Variants in KIF26B observed in about 807,000 individuals in gnomAD.
KIF26B encodes kinesin family member 26B.
A neutral mutation model predicts 151.2 loss-of-function variants in KIF26B; 63 were observed. The observed-to-expected ratio is 0.42, with a 90% CI of 0.34 to 0.51. The LOEUF is 0.51. KIF26B is among the 20% of genes least tolerant of loss of function. The pLI, the probability that KIF26B is intolerant of heterozygous loss-of-function variation, is 0.07. For synonymous variants in KIF26B, 1,357 were observed against 1,262.1 expected (o/e 1.08, Z -1.59); for missense variants, 2,813 against 2,913.6 (o/e 0.97, Z 0.79).
intron 2 of KIF26B, among the ~76,000 whole-genome samples, chr1:245,272,102 A>T (rs1000287372): frequency 6.6e-6 from 1 of 152,114 alleles, no homozygotes; most frequent in Non-Finnish European, 1.5e-5. Flanking sequence ...CTAGGAATTT[A>T]TCCATTTCTT....
intron 4 of KIF26B, among the ~76,000 whole-genome samples, chr1:245,525,827 T>A (rs1253277281): frequency 1.3e-5 from 2 of 152,212 alleles, no homozygotes; most frequent in African/African-American, 2.4e-5. Flanking sequence ...GGATTTAGTG[T>A]TGTAGAATTA....
intron 10 of KIF26B, among the ~76,000 whole-genome samples, chr1:245,659,107 G>A (rs901606400): frequency 5.3e-5 from 8 of 152,196 alleles, no homozygotes; most frequent in Middle Eastern, 3.4e-3. Flanking sequence ...GCATAGTGGC[G>A]TGTGCCTGTA....
intron 4 of KIF26B, among the ~76,000 whole-genome samples, chr1:245,504,213 C>T (rs1047295069): frequency 2.6e-5 from 4 of 152,048 alleles, no homozygotes; most frequent in South Asian, 2.1e-4. Flanking sequence ...CTCCATCTCC[C>T]CAGGGCCCAG....
intron 2 of KIF26B, among the ~76,000 whole-genome samples, chr1:245,266,229 A>C (rs1670742539): frequency 6.6e-6 from 1 of 152,222 alleles, no homozygotes; most frequent in African/African-American, 2.4e-5. Flanking sequence ...ACCCCAAATT[A>C]AAGCCATAAT....
At chr1:245,390,921 C>CAAAAAAAA (rs796799193) in intron 3 of KIF26B, among the ~76,000 whole-genome samples, 2 of 13,444 alleles carry the variant, frequency 1.5e-4, no homozygotes, top group African/African-American at 4.5e-4. Context: ...GACCCTGTCT[C>CAAAAAAAA]AAAAAAAAAA....
chr1:245,576,864 G>C (rs1030765239), intron 5 of KIF26B, among the ~76,000 whole-genome samples: 4 of 152,090 alleles, frequency 2.6e-5, no homozygotes, highest in Admixed American at 1.3e-4. Flanking sequence ...CTCTCTAAAT[G>C]AATGCCTTGT....
intron 5 of KIF26B, among the ~76,000 whole-genome samples, chr1:245,559,996 T>A (rs547333020): frequency 6.6e-6 from 1 of 152,228 alleles, no homozygotes; most frequent in Non-Finnish European, 1.5e-5. Context: ...TCTGCTGTCG[T>A]CTCTGCCAGG....
chr1:245,551,791 A>G (rs906692904), intron 5 of KIF26B, among the ~76,000 whole-genome samples: 1 of 152,126 alleles, frequency 6.6e-6, no homozygotes, highest in Non-Finnish European at 1.5e-5. Context: ...CATCCTGTGG[A>G]TATCAGTGAA....
At chr1:245,618,249 G>T (rs1270235633) in intron 9 of KIF26B, among the ~76,000 whole-genome samples, 1 of 152,176 alleles carries the variant, frequency 6.6e-6, no homozygotes, top group Admixed American at 6.5e-5. Context: ...TTATATTTTG[G>T]CTGTTTGTGA....
At chr1:245,418,154 G>C (rs1464991089) in intron 3 of KIF26B, among the ~76,000 whole-genome samples, 1 of 152,150 alleles carries the variant, frequency 6.6e-6, no homozygotes, top group Non-Finnish European at 1.5e-5. Context: ...AAGCTGCCCT[G>C]TTCCGCGGGG....
intron 2 of KIF26B, among the ~76,000 whole-genome samples, chr1:245,219,887 G>A (rs1669729260): frequency 6.6e-6 from 1 of 152,194 alleles, no homozygotes; most frequent in Non-Finnish European, 1.5e-5. Flanking sequence ...TCCCACCCAG[G>A]CCACTGGGAC....
rs895579521 is a variant in KIF26B, at chr1:245,704,109, C to A, written c.*1503C>A. On this transcript the variant is annotated 3_prime_UTR_variant, in exon 15 of 15. Transcript: ENST00000407071. Reference sequence around the variant, plus strand: ...GGTCAAGGGATTTCCCTGATAAAAGCTGTGGTGCTGATGATAGTGCAGCCC... The same window carrying A: ...GGTCAAGGGATTTCCCTGATAAAAGATGTGGTGCTGATGATAGTGCAGCCC... The A allele has an allele frequency of 6.6e-6, 1 of 152,256 alleles. No homozygotes were observed. The highest frequency in any genetic ancestry group is 2.4e-5 in the African/African-American group (1 of 41,450). 9.4% of individuals were successfully genotyped at this position (152,256 alleles called of 1,614,324 possible). A position where few individuals can be genotyped will look rare whatever the true frequency, so the allele number is the denominator to read the frequency against.
intron 2 of KIF26B, among the ~76,000 whole-genome samples, chr1:245,252,819 T>C (rs767339848): frequency 3.9e-4 from 59 of 152,082 alleles, no homozygotes; most frequent in Non-Finnish European, 7.9e-4. Context: ...CAGTTCTAAG[T>C]TTTGTAAGGG....
chr1:245,353,755 T>C (rs1435519945), intron 2 of KIF26B: 1 of 152,690 alleles, frequency 6.5e-6, no homozygotes, highest in Non-Finnish European at 1.5e-5. Flanking sequence ...GGTGATGCTT[T>C]GCTCATCTCA....
chr1:245,262,304 G>T (rs959342522), intron 2 of KIF26B, among the ~76,000 whole-genome samples: 5 of 152,122 alleles, frequency 3.3e-5, no homozygotes, highest in African/African-American at 1.2e-4. Context: ...TATTTCCTTG[G>T]TGAGAGCTGC....
intron 3 of KIF26B, among the ~76,000 whole-genome samples, chr1:245,404,874 AG>A (rs1674096167): frequency 6.6e-6 from 1 of 152,240 alleles, no homozygotes; most frequent in Non-Finnish European, 1.5e-5. Flanking sequence ...TTTGGAGTTT[AG>A]TTTTGTATCT....
At chr1:245,199,056 T>C (rs190495279) in intron 2 of KIF26B, among the ~76,000 whole-genome samples, 27 of 150,400 alleles carry the variant, frequency 1.8e-4, no homozygotes, top group African/African-American at 6.4e-4. Context: ...CTTCATTCAT[T>C]TTACAGATGA....
intron 10 of KIF26B, among the ~76,000 whole-genome samples, chr1:245,649,979 G>A (rs527763121): frequency 2.0e-5 from 3 of 152,312 alleles, no homozygotes; most frequent in South Asian, 2.1e-4. Flanking sequence ...TGCAGGAGGC[G>A]TGGAGCAGGT....
At chr1:245,176,340 G>T (rs1239357373) in intron 2 of KIF26B, among the ~76,000 whole-genome samples, 1 of 152,184 alleles carries the variant, frequency 6.6e-6, no homozygotes, top group Non-Finnish European at 1.5e-5. Flanking sequence ...TTTGTTTAGG[G>T]AAAAGTAGTG....
Sources: allele counts gnomAD v4.1 joint callset (sites outside exome capture counted in the v4.1 genomes callset), GRCh38; gene constraint gnomAD v4.1.1; transcripts MANE v1.5; gene names NCBI Gene and HGNC (gene_info 2026-07-23, HGNC 2026-07-21).